The following NAALADL2 variants were observed in gnomAD, a reference collection of about 807,000 sequenced individuals.
The protein encoded by NAALADL2 is inactive N-acetylated-alpha-linked acidic dipeptidase-like protein 2.
NAALADL2 carries 76 observed loss-of-function variants against 87.2 expected under a neutral mutation model. The observed-to-expected ratio is 0.87, with a 90% CI of 0.72 to 1.05. NAALADL2 has a LOEUF of 1.05. Among genes scored for constraint, NAALADL2 ranks in the 50% least tolerant of loss-of-function variants. The pLI is 0.00. For missense variants in NAALADL2, 1,089 were observed against 945.8 expected (o/e 1.15, Z -1.99); for synonymous variants, 354 against 331.0 (o/e 1.07, Z -0.75).
chr3:175,494,246 A>G (rs1728504500), intron 9 of NAALADL2, among the ~76,000 whole-genome samples: 1 of 152,060 alleles, frequency 6.6e-6, no homozygotes, highest in African/African-American at 2.4e-5. Flanking sequence ...TTAATATTCT[A>G]TAATTTGTGA....
chr3:174,477,353 T>C lies in NAALADL2; in HGVS notation c.-184+36321T>C, dbSNP rs1717279576. On this transcript the variant is annotated intron_variant, in intron 1 of 3. Coordinates refer to the NAALADL2 transcript ENST00000434257. ...TTTTAATAGTATGAAAGCATAAAAC[T>C]GGATGGAATAAAACCACGTGGCAGA... 2.0e-5 allele frequency among the ~76,000 whole-genome samples: 3 copies of C among 152,230 alleles called. No homozygotes were observed. The South Asian group carries it at 6.2e-4, about 32-fold the overall frequency.
chr3:175,444,734 A>G (rs776317490), intron 5 of NAALADL2, among the ~76,000 whole-genome samples: 3 of 152,204 alleles, frequency 2.0e-5, no homozygotes, highest in Non-Finnish European at 2.9e-5. Context: ...GTTGGGAAAT[A>G]ATGACCTACG....
At chr3:175,538,539 C>T (rs903033124) in intron 9 of NAALADL2, among the ~76,000 whole-genome samples, 36 of 152,220 alleles carry the variant, frequency 2.4e-4, no homozygotes, top group African/African-American at 7.7e-4. Context: ...CCCAAACAAA[C>T]ATTAGCTGAA....
intron 2 of NAALADL2, among the ~76,000 whole-genome samples, chr3:174,615,682 TC>T (rs892609912): frequency 6.6e-6 from 1 of 152,112 alleles, no homozygotes; most frequent in African/African-American, 2.4e-5. Context: ...TCTCTCGCTC[TC>T]CCTCTTTTCT....
chr3:174,990,441 A>G (rs532556707), intron 1 of NAALADL2, among the ~76,000 whole-genome samples: 2 of 152,274 alleles, frequency 1.3e-5, no homozygotes, highest in African/African-American at 2.4e-5. Context: ...TTCTAAATCA[A>G]TTCAGAGATT....
At chr3:175,372,409 C>T (rs896045901) in intron 5 of NAALADL2, among the ~76,000 whole-genome samples, 1 of 152,200 alleles carries the variant, frequency 6.6e-6, no homozygotes, top group East Asian at 1.9e-4. Context: ...TCTCCAAATA[C>T]TTCTCTAAAT....
At chr3:174,907,418 T>C (rs1295729639) in intron 1 of NAALADL2, among the ~76,000 whole-genome samples, 1 of 152,140 alleles carries the variant, frequency 6.6e-6, no homozygotes, top group Non-Finnish European at 1.5e-5. Context: ...TTTTGAGAGA[T>C]GGGTGATATG....
intron 11 of NAALADL2, among the ~76,000 whole-genome samples, chr3:175,699,720 T>C (rs1272217028): frequency 1.3e-5 from 2 of 151,588 alleles, no homozygotes; most frequent in Admixed American, 6.6e-5. Context: ...TCAGTATATT[T>C]ATTGAGTGCC....
At chr3:175,117,871 T>C (rs1227726375) in intron 2 of NAALADL2, among the ~76,000 whole-genome samples, 1 of 152,002 alleles carries the variant, frequency 6.6e-6, no homozygotes, top group Non-Finnish European at 1.5e-5. Context: ...AACCCAAATG[T>C]CCATCAATGG....
intron 9 of NAALADL2, among the ~76,000 whole-genome samples, chr3:175,524,375 G>T (rs539403254): frequency 6.6e-6 from 1 of 152,060 alleles, no homozygotes; most frequent in African/African-American, 2.4e-5. Flanking sequence ...ATCTTATTCT[G>T]GCTTTAATTT....
intron 11 of NAALADL2, among the ~76,000 whole-genome samples, chr3:175,662,121 A>G (rs1332168184): frequency 6.6e-6 from 1 of 151,938 alleles, no homozygotes. Context: ...TCCCACGAAC[A>G]TCAGATCTCT....
chr3:175,075,663 C>T (rs1716450443), intron 1 of NAALADL2, among the ~76,000 whole-genome samples: 1 of 152,114 alleles, frequency 6.6e-6, no homozygotes, highest in Non-Finnish European at 1.5e-5. Context: ...CAAGACTCCT[C>T]ATTCTTCCTA....
At chr3:175,649,597 C>T (rs930023949) in intron 11 of NAALADL2, among the ~76,000 whole-genome samples, 4 of 152,060 alleles carry the variant, frequency 2.6e-5, no homozygotes, top group African/African-American at 9.7e-5. Context: ...TGGCTGCCTC[C>T]TCATCAAGTG....
chr3:174,943,378 C>T (rs1489712802), intron 1 of NAALADL2, among the ~76,000 whole-genome samples: 3 of 152,168 alleles, frequency 2.0e-5, no homozygotes, highest in Non-Finnish European at 2.9e-5. Context: ...AGTTGGTAGA[C>T]TCTTGCTCAG....
intron 2 of NAALADL2, among the ~76,000 whole-genome samples, chr3:175,166,039 A>AT (rs10576101): frequency 4.1e-4 from 59 of 145,362 alleles, no homozygotes; most frequent in South Asian, 8.8e-4. Flanking sequence ...GGGACTCCAT[A>AT]TTTTTTTTTT....
chr3:174,819,055 A>ATTATTTTTTTTTTTTTTTTTT (rs1443066755), intron 3 of NAALADL2, among the ~76,000 whole-genome samples: 1 of 51,802 alleles, frequency 1.9e-5, no homozygotes, highest in Non-Finnish European at 4.2e-5. Context: ...TATACCATTT[A>ATTATTTTTTTTTTTTTTTTTT]TTCTTTTTTT....
chr3:174,667,831 A>T (rs996372194), intron 2 of NAALADL2, among the ~76,000 whole-genome samples: 4 of 152,164 alleles, frequency 2.6e-5, no homozygotes, highest in African/African-American at 9.7e-5. Context: ...TGGAAAAAAG[A>T]AGAGAAAATA....
chr3:174,938,448 CAT>C (rs1738039772), intron 1 of NAALADL2, among the ~76,000 whole-genome samples: 1 of 151,940 alleles, frequency 6.6e-6, no homozygotes, highest in Non-Finnish European at 1.5e-5. Flanking sequence ...AAGTTTATTC[CAT>C]GTCTTTACTA....
At chr3:175,018,349 T>C (rs1203986755) in intron 1 of NAALADL2, among the ~76,000 whole-genome samples, 1 of 152,080 alleles carries the variant, frequency 6.6e-6, no homozygotes, top group East Asian at 1.9e-4. Context: ...AGGGCATTTT[T>C]TTCATTAAGC....
Sources: gnomAD v4.1 joint callset for allele counts (sites outside exome capture counted in the v4.1 genomes callset) on GRCh38, gnomAD v4.1.1 for gene constraint, MANE v1.5 for transcripts, NCBI Gene and HGNC (gene_info 2026-07-23, HGNC 2026-07-21) for gene names.